The following ZNF215 variants were observed in gnomAD, a reference collection of about 807,000 sequenced individuals.
ZNF215 encodes the protein BWSCR2-associated zinc finger protein 2.
Under a neutral mutation model 27.2 loss-of-function variants are expected in ZNF215, and 24 were observed. That is an observed-to-expected ratio of 0.88 (90% CI 0.64 to 1.24). The LOEUF (loss-of-function observed/expected upper bound fraction) is 1.24. Among genes scored for constraint, ZNF215 ranks in the 50% most tolerant of loss-of-function variants. ZNF215 has a pLI of 0.00. For synonymous variants in ZNF215, 210 were observed against 204.0 expected, an observed-to-expected ratio of 1.03 and a Z score of -0.25; for missense variants, 675 against 605.7, an observed-to-expected ratio of 1.11 and a Z score of -1.20.
chr11:6,975,755 G>A (rs1389075101), intron 5 of ZNF215, among the ~76,000 whole-genome samples: 1 of 152,058 alleles, frequency 6.6e-6, no homozygotes, highest in Non-Finnish European at 1.5e-5. Flanking sequence ...CTCTGCTGAT[G>A]GACACTTAGG....
chr11:6,946,716 T>C (rs1189551337), intron 6 of ZNF215, among the ~76,000 whole-genome samples: 1 of 152,230 alleles, frequency 6.6e-6, no homozygotes, highest in African/African-American at 2.4e-5. Context: ...CTTTTAGCAG[T>C]TATCACAATT....
At chr11:6,950,990 T>A (rs1353074720) in intron 6 of ZNF215, among the ~76,000 whole-genome samples, 1 of 152,122 alleles carries the variant, frequency 6.6e-6, no homozygotes, top group Non-Finnish European at 1.5e-5. Flanking sequence ...ATTGAGATAA[T>A]CATGTGGTTT....
intron 2 of ZNF215, among the ~76,000 whole-genome samples, chr11:6,931,695 T>C (rs1849270795): frequency 6.6e-6 from 1 of 152,226 alleles, no homozygotes. Context: ...TCATAGAATT[T>C]TATTGGCATT....
chr11:6,991,205 C>G (rs1437837599), downstream of ZNF215, among the ~76,000 whole-genome samples: 1 of 152,224 alleles, frequency 6.6e-6, no homozygotes, highest in Admixed American at 6.5e-5. Flanking sequence ...TGGTAGAGTT[C>G]TGGACAACCG....
At chr11:6,950,528 CTGTT>C (rs1484898545) in intron 6 of ZNF215, among the ~76,000 whole-genome samples, 1 of 151,874 alleles carries the variant, frequency 6.6e-6, no homozygotes, top group Non-Finnish European at 1.5e-5. Flanking sequence ...ATTTGGTTCT[CTGTT>C]TGTCTGTTAT....
downstream of ZNF215, among the ~76,000 whole-genome samples, chr11:6,989,276 G>A (rs938984848): frequency 6.6e-6 from 1 of 151,864 alleles, no homozygotes; most frequent in Non-Finnish European, 1.5e-5. Context: ...AACATCAGCA[G>A]TCTGATCAAA....
downstream of ZNF215, chr11:6,988,097 A>T: frequency 4.6e-6 from 3 of 654,334 alleles, no homozygotes; most frequent in Non-Finnish European, 5.7e-6. Flanking sequence ...CTGTCAGATT[A>T]AATGTTAAGT....
At chr11:6,937,861 A>T (rs958813598) in intron 3 of ZNF215, among the ~76,000 whole-genome samples, 1 of 151,954 alleles carries the variant, frequency 6.6e-6, no homozygotes. Flanking sequence ...AGATGGGTCA[A>T]TTGTCTAAAT....
chr11:6,972,785 G>A (rs1209631736), intron 5 of ZNF215, among the ~76,000 whole-genome samples: 2 of 152,156 alleles, frequency 1.3e-5, no homozygotes, highest in African/African-American at 4.8e-5. Flanking sequence ...TATCAAGACA[G>A]TATTACAATA....
chr11:6,952,695 C>T (rs896283272), intron 6 of ZNF215, among the ~76,000 whole-genome samples: 7 of 152,098 alleles, frequency 4.6e-5, no homozygotes, highest in African/African-American at 1.7e-4. Context: ...TCCAATTTGC[C>T]AGTCCGTGTC....
intron 3 of ZNF215, among the ~76,000 whole-genome samples, chr11:6,933,778 G>A (rs1488566008): frequency 4.6e-5 from 6 of 129,628 alleles, no homozygotes; most frequent in Non-Finnish European, 7.8e-5. Context: ...CTGGGCCACA[G>A]TGCTAGACTC....
At chr11:6,984,134 G>A in exon 6 of ZNF215, 1 of 399,050 alleles carries the variant, frequency 2.5e-6, no homozygotes, top group Non-Finnish European at 4.9e-6. Context: ...TTCAGATGGA[G>A]TTTCCCTCTT....
At chr11:6,961,539 C>A (rs184432876), downstream of ZNF215, among the ~76,000 whole-genome samples, 135 of 152,258 alleles carry the variant, frequency 8.9e-4, 2 homozygotes, top group Non-Finnish European at 5.1e-4. Flanking sequence ...AGTTCTCTTA[C>A]CTTCACTGTC....
Position 6,956,816 on chromosome 11 carries a change from C to G in ZNF215, c.*285C>G, listed in dbSNP as rs1008209178. 6 of 1,147,194 alleles carry G rather than the reference C, an allele frequency of 5.2e-6. No individual in the cohort carries two copies. The highest frequency in any genetic ancestry group is 2.1e-6 in the Non-Finnish European group (2 of 933,564). The allele number at this position is 1,147,194 out of a possible 1,614,324, so 71.1% of individuals were successfully genotyped here. A position where few individuals can be genotyped will look rare whatever the true frequency, so the allele number is the denominator to read the frequency against. On this transcript the variant is annotated 3_prime_UTR_variant, in exon 7 of 7. Coordinates refer to ENST00000278319, the MANE Select transcript of ZNF215 (RefSeq NM_013250.4). ...TTATTTTGATATCCATTACCCTCACCTCTCCCTAGTTCATAAATAGGTCTA... is the reference window on the plus strand; with the variant it reads ...TTATTTTGATATCCATTACCCTCACGTCTCCCTAGTTCATAAATAGGTCTA...
intron 5 of ZNF215, among the ~76,000 whole-genome samples, chr11:6,975,062 A>G (rs966916077): frequency 7.9e-5 from 12 of 151,772 alleles, no homozygotes; most frequent in African/African-American, 2.7e-4. Context: ...TTTGAGATAC[A>G]TCCCATCAAT....
At chr11:6,934,688 C>G (rs1045004976) in intron 3 of ZNF215, among the ~76,000 whole-genome samples, 2 of 152,222 alleles carry the variant, frequency 1.3e-5, no homozygotes, top group African/African-American at 4.8e-5. Flanking sequence ...AGGTTCCTCA[C>G]TTTTCAGGAT....
At chr11:6,955,618 A>AT (rs1850302367) in intron 6 of ZNF215, 72 bp from the exon 7 acceptor site, 1 of 1,501,922 alleles carries the variant, frequency 6.7e-7, no homozygotes, top group African/African-American at 1.4e-5. Flanking sequence ...CATATACCTT[A>AT]TACAGTTCAG....
rs529651978 is a variant in ZNF215 at position 6,980,507 on chromosome 11, T to C, written c.806-3622T>C. 6.3e-3 allele frequency among the ~76,000 whole-genome samples: 952 copies of C among 152,196 alleles called. 7 individuals are homozygous for C. Among genetic ancestry groups the C allele is most frequent in the Middle Eastern group, 0.02 (6 of 294 alleles). ...TTATTAAACAGTTTAATAAACTAAG[T>C]GTACAAATAGTTGCAGTTTTCCTTT... On this transcript the variant is annotated intron_variant, in intron 5 of 5. Coordinates refer to the ZNF215 transcript ENST00000529903.
chr11:6,934,916 G>A (rs543101156), intron 3 of ZNF215, among the ~76,000 whole-genome samples: 10 of 152,296 alleles, frequency 6.6e-5, no homozygotes, highest in African/African-American at 2.4e-4. Context: ...GAGAAATCTA[G>A]CAGAAAAGGC....
Sources: allele counts gnomAD v4.1 joint callset (sites outside exome capture counted in the v4.1 genomes callset), GRCh38; gene constraint gnomAD v4.1.1; transcripts MANE v1.5; gene names NCBI Gene and HGNC (gene_info 2026-07-23, HGNC 2026-07-21).